The following PRKCE variants were observed in gnomAD, a reference collection of about 807,000 sequenced individuals.
PRKCE encodes protein kinase C epsilon.
Under a neutral mutation model 85.4 loss-of-function variants are expected in PRKCE, and 16 were observed. The observed-to-expected ratio is 0.19, with a 90% confidence interval of 0.13 to 0.28. The LOEUF (loss-of-function observed/expected upper bound fraction) is 0.28, where lower values mean the gene tolerates loss of function less well. Ranked by LOEUF, PRKCE falls within the 10% of genes least tolerant of loss-of-function variation. The pLI, the probability that PRKCE is intolerant of heterozygous loss-of-function variation, is 1.00. For missense variants in PRKCE, 573 were observed against 975.2 expected (o/e 0.59, Z 5.49); for synonymous variants, 388 against 371.5 (o/e 1.04, Z -0.51).
intron 2 of PRKCE, among the ~76,000 whole-genome samples, chr2:45,899,660 G>A (rs1033734202): frequency 6.6e-6 from 1 of 152,150 alleles, no homozygotes; most frequent in Non-Finnish European, 1.5e-5. Flanking sequence ...TGAGATTACA[G>A]GCATGAGCTA....
At position 46,182,288 on chromosome 2, in the gene PRKCE, G is replaced by A. The variant is rs1680060000; in HGVS notation, c.2068-2447G>A. Among the ~76,000 whole-genome samples, 7 of 152,244 alleles carry A rather than the reference G, an allele frequency of 4.6e-5. 1 individual carries two copies. In the South Asian group the frequency reaches 1.5e-3, roughly 32 times the overall value. ...CCCCCTTCCACAGAGATCTTCAGAAGAGGTGTCGCCACACCCTTTGCCCAG... is the reference window on the plus strand; with the variant it reads ...CCCCCTTCCACAGAGATCTTCAGAAAAGGTGTCGCCACACCCTTTGCCCAG... On this transcript the variant is annotated intron_variant, in intron 14 of 14. Transcript: ENST00000306156.
chr2:46,108,254 A>T (rs72879703), intron 11 of PRKCE, among the ~76,000 whole-genome samples: 5,474 of 152,232 alleles, frequency 0.036, 330 homozygotes, highest in African/African-American at 0.12. Context: ...CTGAATACAA[A>T]TCCTTTATCA....
Position 45,661,670 on chromosome 2 carries a change from AGGTGCCC to A in PRKCE, c.348+9224_348+9230del, listed in dbSNP as rs541862219. ...CAGCCTCCCGAGTAGCTGGGACTACAGGTGCCCGCCACCACGCCCAGCTAATTTTTTT... is the reference window on the plus strand; with the variant it reads ...CAGCCTCCCGAGTAGCTGGGACTACAGCCACCACGCCCAGCTAATTTTTTT... On this transcript the variant is annotated intron_variant, in intron 1 of 14. Coordinates refer to ENST00000306156, the MANE Select transcript of PRKCE (RefSeq NM_005400.3). 8.4e-3 allele frequency among the ~76,000 whole-genome samples: 1,257 copies of A among 149,974 alleles called. 26 individuals carry two copies. The highest frequency in any genetic ancestry group is 0.029 in the African/African-American group (1,196 of 40,898).
chr2:46,128,459 C>A (rs1193727000), intron 11 of PRKCE, among the ~76,000 whole-genome samples: 1 of 152,172 alleles, frequency 6.6e-6, no homozygotes, highest in Non-Finnish European at 1.5e-5. Flanking sequence ...GTACTGTTAT[C>A]CCCATTTTAT....
chr2:45,905,949 G>A lies in PRKCE; in HGVS notation c.412+62886G>A. Among the ~76,000 whole-genome samples, 1 of 152,194 alleles carries A rather than the reference G, an allele frequency of 6.6e-6. No individual in the cohort carries two copies. Among genetic ancestry groups the A allele is most frequent in the African/African-American group, 2.4e-5 (1 of 41,446 alleles). On this transcript the variant is annotated intron_variant, in intron 2 of 14. Transcript: ENST00000306156. This position sits in a 1 kb window ranked among gnomAD's most constrained non-coding sequence, Gnocchi z 4.4. ...TGGTGTCTGCCCACATGAAGGGCCG[G>A]GGTGGGCAGGCTATCTTCAGCGGTG...
chr2:45,683,594 T>C (rs1047582717), intron 1 of PRKCE, among the ~76,000 whole-genome samples: 3 of 152,124 alleles, frequency 2.0e-5, no homozygotes, highest in Admixed American at 1.3e-4. Context: ...GAATGAGAGA[T>C]AGGATGGAAT....
chr2:45,953,151 T>C (rs1311338481), intron 2 of PRKCE, among the ~76,000 whole-genome samples: 1 of 152,208 alleles, frequency 6.6e-6, no homozygotes, highest in Non-Finnish European at 1.5e-5. Flanking sequence ...CCCTTCCCCA[T>C]GGCCAGGTGG....
At chr2:45,954,897 T>G (rs888019474) in intron 2 of PRKCE, among the ~76,000 whole-genome samples, 1 of 152,226 alleles carries the variant, frequency 6.6e-6, no homozygotes, top group African/African-American at 2.4e-5. Flanking sequence ...TGGTACCCCA[T>G]TGCTTCTCCT....
chr2:45,842,759 C>G (rs1452835547), intron 1 of PRKCE, among the ~76,000 whole-genome samples: 1 of 152,196 alleles, frequency 6.6e-6, no homozygotes, highest in African/African-American at 2.4e-5. Flanking sequence ...CAGATGTTTG[C>G]CAAGCATCCC....
chr2:45,819,447 C>T (rs1319428059), intron 1 of PRKCE, among the ~76,000 whole-genome samples: 1 of 152,140 alleles, frequency 6.6e-6, no homozygotes, highest in Non-Finnish European at 1.5e-5. Context: ...TAGCATGGAC[C>T]CAAGAGGACA....
At chr2:46,006,669 G>C (rs1705225686) in intron 8 of PRKCE, among the ~76,000 whole-genome samples, 2 of 152,208 alleles carry the variant, frequency 1.3e-5, no homozygotes, top group African/African-American at 4.8e-5. Flanking sequence ...TGATGAATGA[G>C]TTGCTAACAG....
chr2:45,681,491 C>T (rs779560940), intron 1 of PRKCE, among the ~76,000 whole-genome samples: 1 of 151,924 alleles, frequency 6.6e-6, no homozygotes, highest in Non-Finnish European at 1.5e-5. Flanking sequence ...TGTCAGAGTA[C>T]CCAGGTAGGC....
intron 2 of PRKCE, among the ~76,000 whole-genome samples, chr2:45,878,116 C>A (rs1449845134): frequency 1.3e-5 from 2 of 152,288 alleles, no homozygotes; most frequent in African/African-American, 2.4e-5. Flanking sequence ...TAAAGCCTAT[C>A]TTCCCTGGCA....
intron 6 of PRKCE, among the ~76,000 whole-genome samples, chr2:45,995,705 C>T (rs541640254): frequency 8.6e-4 from 131 of 152,310 alleles, no homozygotes; most frequent in African/African-American, 3.1e-3. Flanking sequence ...ATCTATTTGT[C>T]TGTTCCATTG....
chr2:45,936,024 G>A (rs1442953181), intron 2 of PRKCE, among the ~76,000 whole-genome samples: 1 of 152,170 alleles, frequency 6.6e-6, no homozygotes, highest in Non-Finnish European at 1.5e-5. Context: ...AGGCAGCAGT[G>A]TGTGCTCGTA....
At chr2:45,965,417 A>G (rs936703784) in intron 2 of PRKCE, among the ~76,000 whole-genome samples, 2 of 152,210 alleles carry the variant, frequency 1.3e-5, no homozygotes, top group African/African-American at 4.8e-5. Context: ...TTGACCTTGC[A>G]TATTTACCAG....
rs1270554024 is a variant in PRKCE, at chr2:46,145,950, T to C, written c.1731+719T>C. On this transcript the variant is annotated intron_variant, in intron 12 of 14. Transcript: ENST00000306156. The surrounding 1 kb of genome is among the most constrained non-coding windows in gnomAD (Gnocchi z 4.6). The stretch of plus-strand genomic sequence containing the variant: ...GCACTTCACTTTATCAGCTACAATT[T>C]GCTAACAGTAAAACTAGGAACTGTT... Among the ~76,000 whole-genome samples the C allele has an allele frequency of 6.6e-6, 1 of 152,214 alleles. No individual in the cohort carries two copies. Among genetic ancestry groups the C allele is most frequent in the African/African-American group, 2.4e-5 (1 of 41,460 alleles).
rs961726123 is a variant in PRKCE at position 45,907,592 on chromosome 2, G to A, written c.412+64529G>A. 1.3e-5 allele frequency among the ~76,000 whole-genome samples: 2 copies of A among 152,214 alleles called. No individual in the cohort carries two copies. Among genetic ancestry groups the A allele is most frequent in the Non-Finnish European group, 2.9e-5 (2 of 68,034 alleles). ...TGCCCAAGCCTGCTTCCCATGTCAC[G>A]TGTGTCATTTTCCCAGTGCCAATCA... On this transcript the variant is annotated intron_variant, in intron 2 of 14. Coordinates refer to ENST00000306156, the MANE Select transcript of PRKCE (RefSeq NM_005400.3). The surrounding 1 kb of genome is among the most constrained non-coding windows in gnomAD (Gnocchi z 4.5).
intron 1 of PRKCE, among the ~76,000 whole-genome samples, chr2:45,779,342 A>G (rs1249950046): frequency 6.6e-6 from 1 of 152,158 alleles, no homozygotes; most frequent in Non-Finnish European, 1.5e-5. Flanking sequence ...AGGATTCGAA[A>G]GGTGGCATGG....
Sources: allele counts gnomAD v4.1 joint callset (sites outside exome capture counted in the v4.1 genomes callset), GRCh38; gene constraint gnomAD v4.1.1; non-coding constraint Gnocchi (gnomAD v3.1); transcripts MANE v1.5; gene names NCBI Gene and HGNC (gene_info 2026-07-23, HGNC 2026-07-21).